Variants in PPP6R1 observed in about 807,000 individuals in gnomAD.
The protein encoded by PPP6R1 is protein phosphatase 6 regulatory subunit 1, also known as serine/threonine-protein phosphatase 6 regulatory subunit 1.
PPP6R1 carries 39 observed loss-of-function variants against 104.6 expected under a neutral mutation model. The observed-to-expected ratio is 0.37, with a 90% CI of 0.29 to 0.49. PPP6R1 has a LOEUF of 0.49. PPP6R1 is among the 20% of genes least tolerant of loss of function. The pLI, the probability that PPP6R1 is intolerant of heterozygous loss-of-function variation, is 0.98. For synonymous variants in PPP6R1, 549 were observed against 479.0 expected, an observed-to-expected ratio of 1.15 and a Z score of -1.91; for missense variants, 1,181 against 1,155.8, an observed-to-expected ratio of 1.02 and a Z score of -0.32.
At chr19:55,235,816 C>T (rs372378998) in intron 17 of PPP6R1, among the ~76,000 whole-genome samples, 2 of 150,206 alleles carry the variant, frequency 1.3e-5, no homozygotes, top group East Asian at 1.9e-4. Context: ...CCGTGCCCGG[C>T]TGATTTTTTT....
rs773148702 is a variant in PPP6R1 at position 55,242,273 on chromosome 19, C to A, written c.738G>T (p.Glu246Asp). ...TGTTGCTTAAGAGCTGCTCAATCGTCTCCTGCCTGCGGGGGCAGGGGCAGG... is the reference window on the plus strand; with the variant it reads ...TGTTGCTTAAGAGCTGCTCAATCGTATCCTGCCTGCGGGGGCAGGGGCAGG... ...DQLLATLEKQ[E>D]TIEQLLSNMF... The change falls in exon 7 of 24, where the codon GAG becomes GAT. Residue 246 changes from glutamate to aspartate, a missense_variant. Transcript: ENST00000412770. The A allele has an allele frequency of 1.8e-5, 29 of 1,613,836 alleles. No individual in the cohort carries two copies. The highest frequency in any genetic ancestry group is 1.7e-6 in the Non-Finnish European group (2 of 1,179,892).
In PPP6R1 at chr19:55,241,163, C is replaced by A. The variant is rs1352429618; in HGVS notation, c.1161+76G>T. 2.6e-5 allele frequency: 39 copies of A among 1,494,950 alleles called. No homozygotes were observed. Among genetic ancestry groups the A allele is most frequent in the Admixed American group, 2.2e-4 (11 of 49,066 alleles). 92.6% of individuals were successfully genotyped at this position (1,494,950 alleles called of 1,614,324 possible). A position where few individuals can be genotyped will look rare whatever the true frequency, so the allele number is the denominator to read the frequency against. ...CCTGAGCCCCCAGCCGAGCCCCCAC[C>A]CCAGCCCCCGAACCCTCAGCCCAGT... On this transcript the variant is annotated intron_variant, in intron 9 of 23. Coordinates refer to ENST00000412770, the MANE Select transcript of PPP6R1 (RefSeq NM_014931.4). This position sits in a 1 kb window ranked among gnomAD's most constrained non-coding sequence, Gnocchi z 5.4.
chr19:55,254,959 A>T (rs964858464), intron 1 of PPP6R1, among the ~76,000 whole-genome samples: 1 of 152,212 alleles, frequency 6.6e-6, no homozygotes, highest in African/African-American at 2.4e-5. Flanking sequence ...ATCCGGCATC[A>T]CCCACCCAGC....
chr19:55,242,456 G>A lies in PPP6R1; in HGVS notation c.651C>T (p.Asp217=). 1 of 1,613,986 alleles carries A rather than the reference G, an allele frequency of 6.2e-7. No individual in the cohort carries two copies. Among genetic ancestry groups the A allele is most frequent in the Non-Finnish European group, 8.5e-7 (1 of 1,179,852 alleles). ...TCTGCTCCCGGCTCAGGCGGATGATGTCACACAGGGACTGGGATGCGTTGG... is the reference window on the plus strand; with the variant it reads ...TCTGCTCCCGGCTCAGGCGGATGATATCACACAGGGACTGGGATGCGTTGG... ...QHSNASQSLC[D]IIRLSREQMI... Residue 217 remains aspartate, a synonymous_variant, in exon 6 of 24, where the codon GAC becomes GAT. Coordinates refer to ENST00000412770, the MANE Select transcript of PPP6R1 (RefSeq NM_014931.4).
chr19:55,228,340 G>A (rs1568940604), downstream of PPP6R1: 1 of 1,613,912 alleles, frequency 6.2e-7, no homozygotes, highest in Admixed American at 1.7e-5. Context: ...CTTGACCAGG[G>A]CAGCGAACCA....
intron 15 of PPP6R1, among the ~76,000 whole-genome samples, chr19:55,238,199 C>T (rs1375358679): frequency 1.3e-5 from 2 of 152,070 alleles, no homozygotes; most frequent in African/African-American, 4.8e-5. Context: ...TGTGTCCAGC[C>T]CAGTTTTCAC....
At chr19:55,256,147 A>T (rs1044793299) in intron 1 of PPP6R1, among the ~76,000 whole-genome samples, 1 of 152,252 alleles carries the variant, frequency 6.6e-6, no homozygotes, top group African/African-American at 2.4e-5. Context: ...ACAGTAGATG[A>T]ACCAACAAAA....
At chr19:55,254,259 G>A (rs907158309) in intron 1 of PPP6R1, among the ~76,000 whole-genome samples, 9 of 152,186 alleles carry the variant, frequency 5.9e-5, no homozygotes, top group Non-Finnish European at 8.8e-5. Context: ...TTTAGCTACC[G>A]TTTGAAAACC....
At position 55,241,291 on chromosome 19, in the gene PPP6R1, T is replaced by A. The variant is rs756955975; in HGVS notation, c.1109A>T (p.Asp370Val). 1.9e-6 allele frequency: 3 copies of A among 1,610,778 alleles called. No individual in the cohort carries two copies. In the South Asian group the frequency reaches 3.3e-5, roughly 18 times the overall value. ...CAGGAGCTCGTGCGTCAGGGCTGCA[T>A]CATTGGCGCTCAGGGCACTGGCCAG... ...KLLASALSAN[D>V]AALTHELLAL... is the part of the protein sequence containing the mutation. The change falls in exon 9 of 24, where the codon GAT (aspartate) becomes GTT (valine). Residue 370 changes from aspartate (D) to valine (V), a missense_variant. By Grantham distance (152) the Asp-to-Val change is radical (BLOSUM62 -3). Around this residue, in one of 2 missense-constraint regions of PPP6R1, gnomAD observed 1,042 missense variants for 955.6 expected, o/e 1.09. Coordinates refer to ENST00000412770, the MANE Select transcript of PPP6R1 (RefSeq NM_014931.4). The surrounding 1 kb of genome is among the most constrained non-coding windows in gnomAD (Gnocchi z 5.4).
At chr19:55,234,206 C>G (rs1228061408) in intron 17 of PPP6R1, among the ~76,000 whole-genome samples, 1 of 152,180 alleles carries the variant, frequency 6.6e-6, no homozygotes, top group Non-Finnish European at 1.5e-5. Flanking sequence ...CTTGGCCTCC[C>G]AAAGTGCTGG....
At chr19:55,230,985 T>C (rs1230148565) in intron 21 of PPP6R1, 101 bp from the exon 22 acceptor site, 6 of 1,011,834 alleles carry the variant, frequency 5.9e-6, no homozygotes, top group Non-Finnish European at 5.9e-6. Flanking sequence ...TGGGTGTGTG[T>C]CTGCCACCTG....
chr19:55,234,217 G>GA (rs1272507267), intron 17 of PPP6R1, among the ~76,000 whole-genome samples: 4 of 152,124 alleles, frequency 2.6e-5, no homozygotes, highest in African/African-American at 9.7e-5. Context: ...AAAGTGCTGG[G>GA]ATTACAGGTG....
chr19:55,231,947 T>C lies in PPP6R1; in HGVS notation c.2161A>G (p.Thr721Ala), dbSNP rs1044171874. The change falls in exon 19 of 24, where the codon ACA (threonine) becomes GCA (alanine). Residue 721 changes from threonine (T) to alanine (A), a missense_variant. By Grantham distance (58) the Thr-to-Ala change is moderately conservative. Around this residue, in one of 2 missense-constraint regions of PPP6R1, gnomAD observed 1,042 missense variants for 955.6 expected, o/e 1.09. Transcript: ENST00000412770. ...SWTATFDPVP[T>A]DAPTSPRVSG... Reference sequence around the variant, plus strand: ...ACTCGGGGGCTGGTCGGGGCATCTGTAGGCACTGGGTCAAAGGTGGCTGTC... The same window carrying C: ...ACTCGGGGGCTGGTCGGGGCATCTGCAGGCACTGGGTCAAAGGTGGCTGTC... 1.3e-6 allele frequency: 2 copies of C among 1,588,334 alleles called. No homozygotes were observed. The highest frequency in any genetic ancestry group is 1.7e-6 in the Non-Finnish European group (2 of 1,163,894).
rs931752106 is a variant in PPP6R1, at chr19:55,241,775, A to G, written c.846-136T>C. ...ATGCCCCCAGCGCCGCTCTCTTCTG[A>G]GGCCCTTCAGACAACACCTGGCTGG... On this transcript the variant is annotated intron_variant, in intron 7 of 23. Transcript: ENST00000412770. This position sits in a 1 kb window ranked among gnomAD's most constrained non-coding sequence, Gnocchi z 5.4. 1.7e-5 allele frequency: 19 copies of G among 1,140,842 alleles called. No individual in the cohort carries two copies. The African/African-American group carries it at 2.8e-4, about 17-fold the overall frequency. 70.7% of individuals were successfully genotyped at this position (1,140,842 alleles called of 1,614,324 possible).
At position 55,230,504 on chromosome 19, in the gene PPP6R1, GGCC is replaced by G. The variant is rs778983738; in HGVS notation, c.*21_*23del. The G allele has an allele frequency of 6.2e-7, 1 of 1,612,014 alleles. No individual in the cohort carries two copies. Among genetic ancestry groups the G allele is most frequent in the East Asian group, 2.2e-5 (1 of 44,828 alleles). ...AGATCCACGGGAGGACGGAAGATTT[GGCC>G]GCCGCTGCCGCACCAGGCAGCTATC... On this transcript the variant is annotated 3_prime_UTR_variant, in exon 24 of 24. Coordinates refer to ENST00000412770, the MANE Select transcript of PPP6R1 (RefSeq NM_014931.4).
rs760032827 is a variant in PPP6R1 at position 55,231,591 on chromosome 19, G to A, written c.2377+7C>T. 2 of 1,609,818 alleles carry A rather than the reference G, an allele frequency of 1.2e-6. No homozygotes were observed. Among genetic ancestry groups the A allele is most frequent in the East Asian group, 2.2e-5 (1 of 44,794 alleles). ...GCCGCGGGTGGGCAGGGCAAAGCGG[G>A]GCTCACCTGAGGGCTCCGTGACTTT... On this transcript the variant is annotated splice_region_variant and intron_variant, in intron 20 of 23. Transcript: ENST00000412770.
intron 17 of PPP6R1, among the ~76,000 whole-genome samples, chr19:55,235,663 T>C (rs1157663652): frequency 4.0e-5 from 6 of 148,786 alleles, no homozygotes; most frequent in East Asian, 4.0e-4. Flanking sequence ...GGACCACAGG[T>C]GCCCGCCACC....
At position 55,232,104 on chromosome 19, in the gene PPP6R1, G is replaced by T; in HGVS notation, c.2096C>A (p.Ser699Tyr). Residue 699 changes from serine to tyrosine, a missense_variant, in exon 18 of 24, where the codon TCC becomes TAC. Ser to Tyr is a moderately radical substitution (Grantham distance 144). Around this residue, in one of 2 missense-constraint regions of PPP6R1, gnomAD observed 1,042 missense variants for 955.6 expected, o/e 1.09. Transcript: ENST00000412770. ...CAARGGATPL[S>Y]YPSPGPQPPG... ...AGGCTGAGGGCCAGGGCTGGGGTAG[G>T]ACAGAGGGGTGGCCCCTCCACGGGC... 7 of 1,608,192 alleles carry T rather than the reference G, an allele frequency of 4.4e-6. No individual in the cohort carries two copies. Among genetic ancestry groups the T allele is most frequent in the Non-Finnish European group, 5.1e-6 (6 of 1,177,452 alleles).
downstream of PPP6R1, chr19:55,228,638 G>T: frequency 6.3e-7 from 1 of 1,585,370 alleles, no homozygotes; most frequent in Non-Finnish European, 8.6e-7. Flanking sequence ...CCGGCTGCTG[G>T]GGTTCCAGGG....
Sources: gnomAD v4.1 joint callset for allele counts (sites outside exome capture counted in the v4.1 genomes callset) on GRCh38, gnomAD v4.1.1 for gene constraint, gnomAD v4.1.1 regional missense constraint, Gnocchi (gnomAD v3.1) non-coding constraint, MANE v1.5 for transcripts, NCBI Gene and HGNC (gene_info 2026-07-23, HGNC 2026-07-21) for gene names.